OPRM1: variants seen among roughly 807,000 people sequenced by gnomAD.
OPRM1 encodes mu-type opioid receptor.
A neutral mutation model predicts 31.8 loss-of-function variants in OPRM1; 27 were observed. That is an observed-to-expected ratio of 0.85 (90% CI 0.63 to 1.17). The LOEUF (loss-of-function observed/expected upper bound fraction) is 1.17. OPRM1 is among the 50% of genes most tolerant of loss of function. The probability of loss-of-function intolerance (pLI) is 0.00; values close to 1 mark genes in which losing one functional copy is unlikely to be tolerated. For synonymous variants in OPRM1, 196 were observed against 189.9 expected (o/e 1.03, Z -0.26); for missense variants, 536 against 511.1 (o/e 1.05, Z -0.47).
chr6:154,139,668 G>C (rs1373354477), intron 3 of OPRM1, among the ~76,000 whole-genome samples: 2 of 152,178 alleles, frequency 1.3e-5, no homozygotes, highest in African/African-American at 2.4e-5. Flanking sequence ...TATGGCTGCA[G>C]CTGGGCCTAA....
At chr6:154,201,507 T>C (rs1176127122) in intron 3 of OPRM1, among the ~76,000 whole-genome samples, 1 of 152,182 alleles carries the variant, frequency 6.6e-6, no homozygotes, top group African/African-American at 2.4e-5. Context: ...GATCACCCTA[T>C]ATCTCCAACA....
intron 3 of OPRM1, among the ~76,000 whole-genome samples, chr6:154,220,658 A>C (rs756584463): frequency 6.6e-6 from 1 of 152,130 alleles, no homozygotes; most frequent in Non-Finnish European, 1.5e-5. Context: ...ATAAATAAAT[A>C]AATAACAGCT....
chr6:154,075,303 G>C (rs1463429914), intron 1 of OPRM1, among the ~76,000 whole-genome samples: 1 of 152,064 alleles, frequency 6.6e-6, no homozygotes, highest in Non-Finnish European at 1.5e-5. Context: ...AAAATAATCA[G>C]TTACAAGTAT....
intron 3 of OPRM1, among the ~76,000 whole-genome samples, chr6:154,100,542 T>A (rs968387646): frequency 6.6e-6 from 1 of 151,910 alleles, no homozygotes; most frequent in Non-Finnish European, 1.5e-5. Flanking sequence ...CATATCATTA[T>A]CAGATACCAA....
In OPRM1 at chr6:154,100,200, TATA is replaced by T. The variant is rs1317070881; in HGVS notation, c.1164+8729_1164+8731del. ...TATCATATTATGACATATCATAATA[TATA>T]TTATCATATTATGACATATCGTAAT... On this transcript the variant is annotated intron_variant, in intron 3 of 3. Coordinates refer to ENST00000330432, the MANE Select transcript of OPRM1 (RefSeq NM_000914.5). Among the ~76,000 whole-genome samples the T allele has an allele frequency of 9.2e-5, 12 of 130,242 alleles. 1 individual carries two copies. Among genetic ancestry groups the T allele is most frequent in the African/African-American group, 3.4e-4 (12 of 35,204 alleles). 85.4% of individuals were successfully genotyped at this position (130,242 alleles called of 152,430 possible).
chr6:154,109,783 TC>T (rs1796121601), intron 3 of OPRM1, among the ~76,000 whole-genome samples: 1 of 112,252 alleles, frequency 8.9e-6, no homozygotes, highest in Non-Finnish European at 2.1e-5. Context: ...TCTCTCTCTC[TC>T]TCTCTCTCTG....
In OPRM1 at chr6:154,126,006, T is replaced by G. The variant is rs1797568091; in HGVS notation, c.*7285T>G. On this transcript the variant is annotated 3_prime_UTR_variant, in exon 4 of 4. Transcript: ENST00000330432. ...TTTAGTAGAGACGGGGTTTCACCGT[T>G]TTAGCCGGGATGATCTCGATCTCCT... is the stretch of plus-strand genomic sequence containing the variant. Among the ~76,000 whole-genome samples the G allele has an allele frequency of 1.2e-4, 1 of 8,432 alleles. No homozygotes were observed. The allele number at this position is 8,432 out of a possible 152,430, so 5.5% of individuals were successfully genotyped here. A position where few individuals can be genotyped will look rare whatever the true frequency, so the allele number is the denominator to read the frequency against.
chr6:154,095,703 T>C (rs999148754), intron 3 of OPRM1, among the ~76,000 whole-genome samples: 1 of 152,178 alleles, frequency 6.6e-6, no homozygotes, highest in South Asian at 2.1e-4. Context: ...GGTCTCGTGT[T>C]TTTTTTGTGC....
intron 3 of OPRM1, among the ~76,000 whole-genome samples, chr6:154,200,386 C>A (rs191910069): frequency 6.6e-6 from 1 of 152,310 alleles, no homozygotes; most frequent in East Asian, 1.9e-4. Flanking sequence ...AATTTGCAAT[C>A]TATCACTGAA....
chr6:154,155,067 A>G (rs1798658133), intron 3 of OPRM1: 1 of 152,124 alleles, frequency 6.6e-6, no homozygotes, highest in Admixed American at 6.6e-5. Flanking sequence ...AATGTTTTCT[A>G]TGTGGTTCTG....
At chr6:154,142,697 C>G (rs912169777) in intron 3 of OPRM1, among the ~76,000 whole-genome samples, 1 of 152,162 alleles carries the variant, frequency 6.6e-6, no homozygotes, top group Non-Finnish European at 1.5e-5. Flanking sequence ...TTTAAGAAAC[C>G]CTTACTCCTG....
chr6:154,177,664 A>C (rs1048140628), intron 3 of OPRM1, among the ~76,000 whole-genome samples: 1 of 152,238 alleles, frequency 6.6e-6, no homozygotes, highest in African/African-American at 2.4e-5. Flanking sequence ...GATGTGGAGA[A>C]ATAGGAACAC....
At chr6:154,138,101 T>G (rs930715016) in intron 3 of OPRM1, among the ~76,000 whole-genome samples, 1 of 152,202 alleles carries the variant, frequency 6.6e-6, no homozygotes, top group Non-Finnish European at 1.5e-5. Context: ...AATTCTGAGC[T>G]TTCAAGTCAC....
At position 154,118,888 on chromosome 6, in the gene OPRM1, G is replaced by A; in HGVS notation, c.*167G>A. 1.4e-6 allele frequency: 2 copies of A among 1,439,800 alleles called. No homozygotes were observed. The highest frequency in any genetic ancestry group is 1.8e-6 in the Non-Finnish European group (2 of 1,101,964). 89.2% of individuals were successfully genotyped at this position (1,439,800 alleles called of 1,614,324 possible). A position where few individuals can be genotyped will look rare whatever the true frequency, so the allele number is the denominator to read the frequency against. ...GCCACTCTGCTCTGCACATTAGAGG[G>A]ACAGCCAAAAGTAAGTGGAGCATTT... On this transcript the variant is annotated 3_prime_UTR_variant, in exon 4 of 4. Coordinates refer to ENST00000330432, the MANE Select transcript of OPRM1 (RefSeq NM_000914.5).
Position 154,091,216 on chromosome 6 carries a change from T to C in OPRM1, c.908T>C (p.Ile303Thr). Reference protein sequence around the residue: ...VCWTPIHIYVIIKALVTIPET... With the variant: ...VCWTPIHIYVTIKALVTIPET... Reference sequence around the variant, plus strand: ...TGGACTCCCATTCACATTTACGTCATCATTAAAGCCTTGGTTACAATCCCA... The same window carrying C: ...TGGACTCCCATTCACATTTACGTCACCATTAAAGCCTTGGTTACAATCCCA... Residue 303 changes from isoleucine (I) to threonine (T), a missense_variant, in exon 3 of 4, where the codon ATC (isoleucine) becomes ACC (threonine). Physicochemically the swap from Ile to Thr is moderately conservative, Grantham distance 89. Transcript: ENST00000330432. 1 of 1,614,200 alleles carries C rather than the reference T, an allele frequency of 6.2e-7. No homozygotes were observed. Among genetic ancestry groups the C allele is most frequent in the Non-Finnish European group, 8.5e-7 (1 of 1,180,042 alleles).
chr6:154,113,226 C>T (rs1796527902), intron 3 of OPRM1, among the ~76,000 whole-genome samples: 1 of 152,222 alleles, frequency 6.6e-6, no homozygotes, highest in South Asian at 2.1e-4. Flanking sequence ...GGTTCCTGGC[C>T]TGTCTCTAAA....
intron 3 of OPRM1, among the ~76,000 whole-genome samples, chr6:154,183,467 A>G (rs180769578): frequency 6.6e-6 from 1 of 152,362 alleles, no homozygotes; most frequent in African/African-American, 2.4e-5. Context: ...ACCAAAATCC[A>G]AAAATTATAT....
intron 1 of OPRM1, among the ~76,000 whole-genome samples, chr6:154,088,173 A>C (rs1250704690): frequency 2.6e-5 from 4 of 152,196 alleles, no homozygotes; most frequent in Non-Finnish European, 5.9e-5. Flanking sequence ...ACATAGATGA[A>C]TCTCAAAATA....
chr6:154,217,678 T>C lies in OPRM1; in HGVS notation c.1165-29015T>C, dbSNP rs531175598. On this transcript the variant is annotated intron_variant, in intron 3 of 3. Coordinates refer to the OPRM1 transcript ENST00000337049. ...GCATTTAAAAGTTCATTTTTTAAAATTGACCAGGCAAAACATAACAATTTC... is the reference window on the plus strand; with the variant it reads ...GCATTTAAAAGTTCATTTTTTAAAACTGACCAGGCAAAACATAACAATTTC... Among the ~76,000 whole-genome samples the C allele has an allele frequency of 7.2e-5, 11 of 152,318 alleles. No homozygotes were observed. The East Asian group carries it at 1.3e-3, about 19-fold the overall frequency.
Sources: allele counts gnomAD v4.1 joint callset (sites outside exome capture counted in the v4.1 genomes callset), GRCh38; gene constraint gnomAD v4.1.1; transcripts MANE v1.5; gene names NCBI Gene and HGNC (gene_info 2026-07-23, HGNC 2026-07-21).